Variants in EEPD1 observed in about 807,000 individuals in gnomAD.
EEPD1 encodes the protein endonuclease/exonuclease/phosphatase family domain-containing protein 1.
In EEPD1, 17 loss-of-function variants were observed where a neutral mutation model predicts 46.3. The ratio of observed to expected loss-of-function variants is 0.37; its 90% CI spans 0.25 to 0.55. The LOEUF is 0.55. Among genes scored for constraint, EEPD1 ranks in the 20% least tolerant of loss-of-function variants. EEPD1 has a pLI of 0.83. For missense variants in EEPD1, 673 were observed against 745.6 expected, an observed-to-expected ratio of 0.90 and a Z score of 1.13; for synonymous variants, 313 against 315.6, an observed-to-expected ratio of 0.99 and a Z score of 0.09.
At chr7:36,167,288 G>A (rs1025512124) in intron 2 of EEPD1, among the ~76,000 whole-genome samples, 2 of 152,132 alleles carry the variant, frequency 1.3e-5, no homozygotes, top group African/African-American at 2.4e-5. Flanking sequence ...ATTACCCAGG[G>A]GTTTCCTTCT....
chr7:36,279,435 G>T (rs890805978), intron 3 of EEPD1, among the ~76,000 whole-genome samples: 14 of 152,214 alleles, frequency 9.2e-5, no homozygotes, highest in African/African-American at 3.1e-4. Flanking sequence ...CTCTAGAAAT[G>T]ACTAGCTCAG....
intron 3 of EEPD1, among the ~76,000 whole-genome samples, chr7:36,271,010 G>A (rs1331252583): frequency 6.6e-6 from 1 of 151,506 alleles, no homozygotes; most frequent in Non-Finnish European, 1.5e-5. Context: ...TTTTTGAGTT[G>A]GAGTCTTGCT....
At chr7:36,290,591 G>A (rs887048773) in intron 6 of EEPD1, among the ~76,000 whole-genome samples, 3 of 152,152 alleles carry the variant, frequency 2.0e-5, no homozygotes, top group South Asian at 2.1e-4. Flanking sequence ...TGTCTGGAAC[G>A]TGCATGCAGG....
chr7:36,261,454 C>T (rs1786922850), intron 3 of EEPD1, among the ~76,000 whole-genome samples: 1 of 152,180 alleles, frequency 6.6e-6, no homozygotes, highest in Admixed American at 6.5e-5. Flanking sequence ...AATTGTTGCA[C>T]CTAGCCACCA....
intron 3 of EEPD1, among the ~76,000 whole-genome samples, chr7:36,253,137 T>C (rs1161774216): frequency 2.6e-5 from 4 of 152,086 alleles, no homozygotes; most frequent in Non-Finnish European, 5.9e-5. Flanking sequence ...TTAGCTAGTA[T>C]GTTGTATCTT....
At chr7:36,273,254 G>A (rs1787138931) in intron 3 of EEPD1, among the ~76,000 whole-genome samples, 1 of 152,134 alleles carries the variant, frequency 6.6e-6, no homozygotes, top group Non-Finnish European at 1.5e-5. Context: ...TGTCGAATGG[G>A]ACTGTTATTC....
At chr7:36,224,377 G>A (rs1222419463) in intron 2 of EEPD1, among the ~76,000 whole-genome samples, 2 of 152,150 alleles carry the variant, frequency 1.3e-5, no homozygotes, top group Non-Finnish European at 1.5e-5. Flanking sequence ...AAAACGGGCC[G>A]ACAGTCAGTC....
intron 2 of EEPD1, among the ~76,000 whole-genome samples, chr7:36,168,101 G>T (rs2115619655): frequency 6.6e-6 from 1 of 152,332 alleles, no homozygotes; most frequent in South Asian, 2.1e-4. Flanking sequence ...GTAATTGTGT[G>T]TTGGTGCTGT....
intron 3 of EEPD1, among the ~76,000 whole-genome samples, chr7:36,239,735 G>A (rs992480297): frequency 2.6e-5 from 4 of 152,018 alleles, no homozygotes; most frequent in Non-Finnish European, 5.9e-5. Flanking sequence ...TGGTGGGGTG[G>A]GCTCCACAAA....
At chr7:36,286,994 A>G (rs1176162289) in intron 5 of EEPD1, among the ~76,000 whole-genome samples, 1 of 152,078 alleles carries the variant, frequency 6.6e-6, no homozygotes, top group East Asian at 1.9e-4. Context: ...AGGCTGAGGC[A>G]GGAGGATCAC....
At chr7:36,165,973 G>A (rs550380525) in intron 2 of EEPD1, among the ~76,000 whole-genome samples, 88 of 152,346 alleles carry the variant, frequency 5.8e-4, no homozygotes, top group African/African-American at 2.0e-3. Context: ...CAGATGAACT[G>A]CTCGGAGAAC....
At chr7:36,197,045 G>A (rs1228218528) in intron 2 of EEPD1, among the ~76,000 whole-genome samples, 2 of 149,616 alleles carry the variant, frequency 1.3e-5, no homozygotes, top group Non-Finnish European at 3.0e-5. Context: ...GATGTGAGGA[G>A]CGCCTCGGCC....
Position 36,193,033 on chromosome 7 carries a change from G to A in EEPD1, c.878+37831G>A, listed in dbSNP as rs1785486203. Among the ~76,000 whole-genome samples, 1 of 152,232 alleles carries A rather than the reference G, an allele frequency of 6.6e-6. No homozygotes were observed. The highest frequency in any genetic ancestry group is 1.5e-5 in the Non-Finnish European group (1 of 68,044). ...GCAGCTCAGGGCTGGACTCTTCACT[G>A]CTGTCTTCTGATGGTCTCAGCTGGA... On this transcript the variant is annotated intron_variant, in intron 2 of 7. Coordinates refer to ENST00000242108, the MANE Select transcript of EEPD1 (RefSeq NM_030636.3). The surrounding 1 kb of genome is among the most constrained non-coding windows in gnomAD (Gnocchi z 4.9).
intron 2 of EEPD1, among the ~76,000 whole-genome samples, chr7:36,174,263 T>A (rs1785140069): frequency 6.6e-6 from 1 of 152,208 alleles, no homozygotes; most frequent in African/African-American, 2.4e-5. Context: ...AAATCAAGCA[T>A]TGTTGATTTC....
Position 36,297,004 on chromosome 7 carries a change from G to A in EEPD1, c.1327G>A (p.Val443Ile). The change falls in exon 7 of 8, where the codon GTC becomes ATC. Residue 443 changes from valine to isoleucine, a missense_variant. Coordinates refer to ENST00000242108, the MANE Select transcript of EEPD1 (RefSeq NM_030636.3). ...CCTTCCACTTCCAGGAGAAAAGGAT[G>A]TCATTATCTTAGGGGATTTTGGCCA... ...LQETLKGEKDVIILGDFGQGP... is the reference protein window; with the variant it reads ...LQETLKGEKDIIILGDFGQGP... The A allele has an allele frequency of 6.2e-7, 1 of 1,614,072 alleles. No individual in the cohort carries two copies. The highest frequency in any genetic ancestry group is 8.5e-7 in the Non-Finnish European group (1 of 1,179,960).
intron 2 of EEPD1, among the ~76,000 whole-genome samples, chr7:36,210,884 A>C (rs1163429789): frequency 6.6e-6 from 1 of 152,082 alleles, no homozygotes; most frequent in African/African-American, 2.4e-5. Flanking sequence ...TCTGAATTAC[A>C]CACTTTATTT....
chr7:36,197,251 G>A lies in EEPD1; in HGVS notation c.879-41734G>A, dbSNP rs1308007599. 2.0e-5 allele frequency among the ~76,000 whole-genome samples: 3 copies of A among 148,816 alleles called. No homozygotes were observed. In the East Asian group the frequency reaches 6.1e-4, roughly 30 times the overall value. On this transcript the variant is annotated intron_variant, in intron 2 of 7. Coordinates refer to ENST00000242108, the MANE Select transcript of EEPD1 (RefSeq NM_030636.3). ...GTCCGGGAGGGAGGTGGGGGGGTCA[G>A]GCCCCCGCCCGGGCAGCCGCCCCGT... is the stretch of plus-strand genomic sequence containing the variant.
At chr7:36,283,668 T>C (rs1167826985) in intron 4 of EEPD1, among the ~76,000 whole-genome samples, 1 of 152,176 alleles carries the variant, frequency 6.6e-6, no homozygotes. Flanking sequence ...AAGGAGATAA[T>C]TTCAAATATA....
chr7:36,297,254 A>C (rs1787542449), intron 7 of EEPD1, 67 bp downstream of exon 7: 1 of 1,550,304 alleles, frequency 6.5e-7, no homozygotes, highest in African/African-American at 1.4e-5. Context: ...GTCTGAACTG[A>C]CAGAAGTCAT....
Sources: gnomAD v4.1 joint callset for allele counts (sites outside exome capture counted in the v4.1 genomes callset) on GRCh38, gnomAD v4.1.1 for gene constraint, Gnocchi (gnomAD v3.1) non-coding constraint, MANE v1.5 for transcripts, NCBI Gene and HGNC (gene_info 2026-07-23, HGNC 2026-07-21) for gene names.